NUP37: variants seen among roughly 807,000 people sequenced by gnomAD.
NUP37 encodes nucleoporin 37, also known as nucleoporin Nup37.
Under a neutral mutation model 45.4 loss-of-function variants are expected in NUP37, and 33 were observed. The observed-to-expected ratio is 0.73, with a 90% confidence interval of 0.55 to 0.97. NUP37 has a LOEUF of 0.97. Among genes scored for constraint, NUP37 ranks in the 50% least tolerant of loss-of-function variants. The pLI, the probability that NUP37 is intolerant of heterozygous loss-of-function variation, is 0.00. For synonymous variants in NUP37, 127 were observed against 130.7 expected, an observed-to-expected ratio of 0.97 and a Z score of 0.19; for missense variants, 365 against 389.7, an observed-to-expected ratio of 0.94 and a Z score of 0.53.
intron 2 of NUP37, among the ~76,000 whole-genome samples, chr12:102,114,196 T>C (rs971352419): frequency 1.3e-5 from 2 of 152,236 alleles, no homozygotes; most frequent in African/African-American, 4.8e-5. Context: ...TTACATCTAT[T>C]TTTCCAAACT....
intron 1 of NUP37, chr12:102,119,095 T>C (rs964494902): frequency 2.6e-5 from 4 of 152,322 alleles, no homozygotes; most frequent in African/African-American, 9.7e-5. Flanking sequence ...CTTCATTGTG[T>C]GTGGAGAACC....
At position 102,085,820 on chromosome 12, in the gene NUP37, A is replaced by G. The variant is rs769057413; in HGVS notation, c.486T>C (p.Phe162=). ...WNLEGVQTAH[F]VLHSPGMSVC... ...CACTCATGCCAGGAGAATGAAGAAC[A>G]AAATGAGCTGTTTGCACTCCTTCCA... The change falls in exon 6 of 10, where the codon TTT becomes TTC. Residue 162 remains phenylalanine, a synonymous_variant. Transcript: ENST00000552283. The G allele has an allele frequency of 1.9e-6, 3 of 1,602,290 alleles. No homozygotes were observed. Among genetic ancestry groups the G allele is most frequent in the East Asian group, 4.5e-5 (2 of 44,704 alleles).
At chr12:102,116,047 G>A (rs1050240944) in intron 2 of NUP37, among the ~76,000 whole-genome samples, 1 of 151,870 alleles carries the variant, frequency 6.6e-6, no homozygotes, top group Non-Finnish European at 1.5e-5. Context: ...TTAGTAATTT[G>A]GGCACGAGAC....
At chr12:102,076,480 C>T (rs993622721) in intron 8 of NUP37, among the ~76,000 whole-genome samples, 7 of 152,126 alleles carry the variant, frequency 4.6e-5, no homozygotes, top group Non-Finnish European at 1.0e-4. Context: ...TATACATGAA[C>T]ATGGGCTCCC....
At position 102,112,190 on chromosome 12, in the gene NUP37, G is replaced by A. The variant is rs144542242; in HGVS notation, c.199C>T (p.Arg67Ter). ...DVEGIQYKTL[R>*]TFHHGVRVDG... ...ACCCTGACTCCATGGTGAAATGTTC[G>A]AAGTGTTTTATACTGAATGCCTTCA... Residue 67 changes from arginine (R) to a stop codon, truncating the protein, a stop_gained, in exon 3 of 10, where the codon CGA (arginine) becomes TGA (stop). Transcript: ENST00000552283. LOFTEE classifies it high-confidence loss of function. The A allele has an allele frequency of 1.2e-6, 2 of 1,613,538 alleles. No homozygotes were observed. The highest frequency in any genetic ancestry group is 1.1e-5 in the South Asian group (1 of 91,060).
intron 2 of NUP37, among the ~76,000 whole-genome samples, chr12:102,114,028 A>T (rs1880390828): frequency 6.6e-6 from 1 of 152,244 alleles, no homozygotes; most frequent in South Asian, 2.1e-4. Context: ...AAAGAAATAC[A>T]CTTATCAAGG....
intron 1 of NUP37, among the ~76,000 whole-genome samples, chr12:102,119,727 T>C (rs1011038662): frequency 1.2e-4 from 18 of 152,008 alleles, no homozygotes; most frequent in African/African-American, 3.9e-4. Context: ...CAGAGAGGTA[T>C]AGAAGTGCAA....
At position 102,092,416 on chromosome 12, in the gene NUP37, T is replaced by A. The variant is rs576404046; in HGVS notation, c.450-6560A>T. Among the ~76,000 whole-genome samples the A allele has an allele frequency of 7.9e-5, 12 of 152,262 alleles. No homozygotes were observed. The East Asian group carries it at 2.1e-3, about 27-fold the overall frequency. On this transcript the variant is annotated intron_variant, in intron 5 of 9. Transcript: ENST00000552283. ...GTAGTTATAAGGATTAGCAGGCACT[T>A]TACAATGTCACTGGTACAGGAAAGG...
chr12:102,099,747 C>T (rs926393195), intron 4 of NUP37, among the ~76,000 whole-genome samples: 6 of 152,090 alleles, frequency 3.9e-5, no homozygotes, highest in Non-Finnish European at 7.4e-5. Context: ...CAAAAAATCT[C>T]GACACAGAAG....
At chr12:102,116,704 C>A (rs1880471808) in intron 2 of NUP37, among the ~76,000 whole-genome samples, 1 of 152,206 alleles carries the variant, frequency 6.6e-6, no homozygotes, top group Non-Finnish European at 1.5e-5. Context: ...TGTCAGAATA[C>A]TGTAAGATAC....
intron 3 of NUP37, among the ~76,000 whole-genome samples, chr12:102,111,379 T>C (rs999315716): frequency 2.0e-5 from 3 of 152,160 alleles, no homozygotes; most frequent in African/African-American, 7.2e-5. Flanking sequence ...AATATACGTA[T>C]TTGTCAAAAC....
chr12:102,117,745 T>G (rs1290760810), intron 2 of NUP37, among the ~76,000 whole-genome samples: 2 of 152,230 alleles, frequency 1.3e-5, no homozygotes, highest in Non-Finnish European at 2.9e-5. Flanking sequence ...AGTTTCCTCA[T>G]GTTTACAGGA....
intron 3 of NUP37, among the ~76,000 whole-genome samples, chr12:102,108,200 T>C (rs919672830): frequency 2.0e-5 from 3 of 152,098 alleles, no homozygotes; most frequent in Non-Finnish European, 4.4e-5. Context: ...ACCCATAATG[T>C]GGGTGGGCAC....
At position 102,099,131 on chromosome 12, in the gene NUP37, T is replaced by C; in HGVS notation, c.424A>G (p.Ser142Gly). Reference protein sequence around the residue: ...FDPKEGQEIASVSDDHTCRIW... With the variant: ...FDPKEGQEIAGVSDDHTCRIW... ...CTGCAGGTGTGATCGTCACTCACAC[T>C]TGCAATTTCTTGGCCTTCTTTGGGA... is the stretch of plus-strand genomic sequence containing the variant. Residue 142 changes from serine (S) to glycine (G), a missense_variant, in exon 5 of 10, where the codon AGT becomes GGT. Transcript: ENST00000552283. The C allele has an allele frequency of 1.2e-6, 2 of 1,612,638 alleles. No individual in the cohort carries two copies. Among genetic ancestry groups the C allele is most frequent in the Non-Finnish European group, 1.7e-6 (2 of 1,178,646 alleles).
Position 102,076,832 on chromosome 12 carries a change from CT to C in NUP37, c.737del (p.Lys246ArgfsTer40). 1 of 1,612,958 alleles carries C rather than the reference CT, an allele frequency of 6.2e-7. No individual in the cohort carries two copies. The highest frequency in any genetic ancestry group is 8.5e-7 in the Non-Finnish European group (1 of 1,179,230). On this transcript the variant is annotated frameshift_variant, in exon 8 of 10. Transcript: ENST00000552283. LOFTEE classifies it high-confidence loss of function. ...AGGCTCGATCCATGTGAACAGGTCT[CT>C]TATTTTGAGGATAACTAAAAGATAA... ...DITRSSYPQN[K>X]RPVHMDRACL... is the part of the protein sequence containing the mutation.
At chr12:102,114,727 C>G (rs562673293) in intron 2 of NUP37, among the ~76,000 whole-genome samples, 3 of 152,092 alleles carry the variant, frequency 2.0e-5, no homozygotes, top group African/African-American at 7.2e-5. Context: ...TTCTTTCCCC[C>G]CAATGCTTGA....
intron 6 of NUP37, 90 bp downstream of exon 6, chr12:102,085,676 A>C: frequency 1.7e-6 from 1 of 584,604 alleles, no homozygotes; most frequent in South Asian, 2.7e-5. Context: ...GATGGGAAAA[A>C]TCATTGATCT....
chr12:102,110,267 A>G (rs904226928), intron 3 of NUP37, among the ~76,000 whole-genome samples: 4 of 152,110 alleles, frequency 2.6e-5, no homozygotes, highest in Non-Finnish European at 5.9e-5. Context: ...TGGGAGGTCA[A>G]GGTAGGTGAA....
rs199559131 is a variant in NUP37 at position 102,074,149 on chromosome 12, AATAT to A, written c.*201_*204del. On this transcript the variant is annotated 3_prime_UTR_variant, in exon 10 of 10. Transcript: ENST00000552283. ...GTCAATATGATTTTGTAAGATTAAA[AATAT>A]ATATATATACACACACAGAGAACAG... 1 of 298,210 alleles carries A rather than the reference AATAT, an allele frequency of 3.4e-6. No individual in the cohort carries two copies. Among genetic ancestry groups the A allele is most frequent in the Non-Finnish European group, 6.0e-6 (1 of 165,472 alleles). The allele number at this position is 298,210 out of a possible 1,614,324, so 18.5% of individuals were successfully genotyped here. A position where few individuals can be genotyped will look rare whatever the true frequency, so the allele number is the denominator to read the frequency against.
Sources: allele counts gnomAD v4.1 joint callset (sites outside exome capture counted in the v4.1 genomes callset), GRCh38; gene constraint gnomAD v4.1.1; transcripts MANE v1.5; gene names NCBI Gene and HGNC (gene_info 2026-07-23, HGNC 2026-07-21).